The following SLIT3 variants were observed in gnomAD, a reference collection of about 807,000 sequenced individuals.
SLIT3 encodes the protein slit guidance ligand 3.
A neutral mutation model predicts 184.0 loss-of-function variants in SLIT3; 68 were observed. That is an observed-to-expected ratio of 0.37 (90% CI 0.30 to 0.45). SLIT3 has a LOEUF of 0.45. Among genes scored for constraint, SLIT3 ranks in the 20% least tolerant of loss-of-function variants. SLIT3 has a pLI of 1.00. For synonymous variants in SLIT3, 831 were observed against 828.6 expected, an observed-to-expected ratio of 1.00 and a Z score of -0.05; for missense variants, 1,707 against 2,026.0, an observed-to-expected ratio of 0.84 and a Z score of 3.02.
intron 11 of SLIT3, 34 bp from the exon 12 acceptor site, chr5:168,786,012 T>TG: frequency 1.4e-6 from 2 of 1,473,314 alleles, no homozygotes; most frequent in South Asian, 2.3e-5. Context: ...GCAATCACTG[T>TG]GGATGTGAGG....
At chr5:169,115,472 G>GTTA (rs1760626412) in intron 4 of SLIT3, among the ~76,000 whole-genome samples, 1 of 152,082 alleles carries the variant, frequency 6.6e-6, no homozygotes, top group Non-Finnish European at 1.5e-5. Flanking sequence ...GATAACCCTG[G>GTTA]GCAGTAGGTA....
At chr5:168,712,738 G>C (rs556375956) in intron 23 of SLIT3, 1 of 185,314 alleles carries the variant, frequency 5.4e-6, no homozygotes, top group South Asian at 1.2e-4. Context: ...ATGAAGAGCT[G>C]TGCTTAAGAC....
chr5:169,111,079 G>A (rs6864823), intron 4 of SLIT3, among the ~76,000 whole-genome samples: 8,218 of 152,220 alleles, frequency 0.054, 301 homozygotes, highest in Middle Eastern at 0.15. Context: ...GGGCCTTGCT[G>A]TAAACTGCCC....
At chr5:169,065,816 G>T (rs1442626191) in intron 4 of SLIT3, among the ~76,000 whole-genome samples, 4 of 152,224 alleles carry the variant, frequency 2.6e-5, no homozygotes, top group Non-Finnish European at 5.9e-5. Context: ...AACAGAGGGT[G>T]AGGGAGACCT....
At chr5:168,693,619 G>A (rs527483455) in intron 28 of SLIT3, among the ~76,000 whole-genome samples, 71 of 152,286 alleles carry the variant, frequency 4.7e-4, no homozygotes, top group African/African-American at 1.6e-3. Flanking sequence ...TGATCTAAGA[G>A]AGGGAAAGGT....
chr5:168,945,761 G>A (rs1046061799), intron 4 of SLIT3, among the ~76,000 whole-genome samples: 6 of 152,170 alleles, frequency 3.9e-5, no homozygotes, highest in Admixed American at 6.5e-5. Context: ...GCAACAAAAC[G>A]CATGCATATG....
intron 3 of SLIT3, among the ~76,000 whole-genome samples, chr5:169,210,616 A>C (rs924346625): frequency 6.6e-6 from 1 of 152,174 alleles, no homozygotes; most frequent in African/African-American, 2.4e-5. Context: ...GGTATGCAGA[A>C]TGTGTTGGGT....
At chr5:168,962,958 C>G (rs748184170) in intron 4 of SLIT3, among the ~76,000 whole-genome samples, 3 of 152,182 alleles carry the variant, frequency 2.0e-5, no homozygotes, top group African/African-American at 7.2e-5. Flanking sequence ...CAAAGCAAGT[C>G]TCCCCGAAAC....
chr5:168,913,945 T>C (rs1469367032), intron 4 of SLIT3, among the ~76,000 whole-genome samples: 2 of 152,202 alleles, frequency 1.3e-5, no homozygotes, highest in Non-Finnish European at 2.9e-5. Flanking sequence ...TTAAAAAATA[T>C]ACACACTGTT....
intron 1 of SLIT3, among the ~76,000 whole-genome samples, chr5:169,277,959 G>A (rs1043148801): frequency 1.3e-5 from 2 of 152,240 alleles, no homozygotes; most frequent in African/African-American, 4.8e-5. Flanking sequence ...CACAGTAGGT[G>A]TGATGAGCCT....
intron 16 of SLIT3, 24 bp from the exon 17 acceptor site, chr5:168,754,031 GGA>G: frequency 2.6e-6 from 4 of 1,544,916 alleles, no homozygotes; most frequent in Non-Finnish European, 3.5e-6. Context: ...ACAGAATAGG[GGA>G]GAATCAAAAG....
At chr5:168,923,112 C>A (rs1761696619) in intron 4 of SLIT3, among the ~76,000 whole-genome samples, 1 of 152,090 alleles carries the variant, frequency 6.6e-6, no homozygotes, top group South Asian at 2.1e-4. Context: ...CAGCTCGGAA[C>A]CTTTAGGACT....
intron 4 of SLIT3, chr5:168,995,575 C>T (rs928879495): frequency 3.9e-5 from 6 of 152,214 alleles, no homozygotes; most frequent in African/African-American, 1.4e-4. Flanking sequence ...GGGTAATCTA[C>T]TGTCAGAAAA....
At chr5:168,919,275 A>AT (rs990347138) in intron 4 of SLIT3, among the ~76,000 whole-genome samples, 1 of 151,514 alleles carries the variant, frequency 6.6e-6, no homozygotes, top group Non-Finnish European at 1.5e-5. Flanking sequence ...AAAAAAAAAA[A>AT]GAAACATAGG....
chr5:168,885,846 G>T (rs1760182890), intron 4 of SLIT3, among the ~76,000 whole-genome samples: 2 of 152,346 alleles, frequency 1.3e-5, no homozygotes, highest in South Asian at 4.1e-4. Context: ...AGGAGTAGCA[G>T]TCGTACAAAG....
In SLIT3 at chr5:169,300,673, G is replaced by A; in HGVS notation, c.37C>T (p.Arg13Cys). ...PGWAGVGAAVRARLALALALA... is the reference protein window; with the variant it reads ...PGWAGVGAAVCARLALALALA... ...GCCAAGGCCAGCGCCAGGCGGGCGC[G>A]CACGGCGGCGCCGACCCCTGCCCAC... Residue 13 changes from arginine to cysteine, a missense_variant, in exon 1 of 36, where the codon CGC becomes TGC. Arg to Cys is a radical substitution (Grantham distance 180, BLOSUM62 -3). Around this residue, in one of 3 missense-constraint regions of SLIT3, gnomAD observed 1,307 missense variants for 1,511.6 expected, o/e 0.86. Transcript: ENST00000519560. This position sits in a 1 kb window ranked among gnomAD's most constrained non-coding sequence, Gnocchi z 4.1. 6 of 1,398,896 alleles carry A rather than the reference G, an allele frequency of 4.3e-6. No homozygotes were observed. The highest frequency in any genetic ancestry group is 4.6e-6 in the Non-Finnish European group (5 of 1,085,322). The allele number at this position is 1,398,896 out of a possible 1,614,324, so 86.7% of individuals were successfully genotyped here. A position where few individuals can be genotyped will look rare whatever the true frequency, so the allele number is the denominator to read the frequency against.
intron 4 of SLIT3, among the ~76,000 whole-genome samples, chr5:168,959,575 C>A (rs1762940216): frequency 6.6e-6 from 1 of 152,174 alleles, no homozygotes; most frequent in African/African-American, 2.4e-5. Flanking sequence ...CTGTCACAGG[C>A]CCCGCCTCCA....
intron 27 of SLIT3, 117 bp downstream of exon 27, chr5:168,700,465 T>C (rs1762181813): frequency 1.4e-6 from 1 of 737,268 alleles, no homozygotes; most frequent in South Asian, 1.6e-5. Flanking sequence ...CCAGCCATGC[T>C]GAACTGTGAG....
intron 4 of SLIT3, among the ~76,000 whole-genome samples, chr5:169,006,578 T>TTCTCTCTCTCTCTCTCTCTCTC (rs369079733): frequency 2.9e-5 from 4 of 140,206 alleles, no homozygotes; most frequent in African/African-American, 8.1e-5. Flanking sequence ...TTTCCCCCTC[T>TTCTCTCTCTCTCTCTCTCTCTC]TCTCTCTCTC....
Sources: gnomAD v4.1 joint callset for allele counts (sites outside exome capture counted in the v4.1 genomes callset) on GRCh38, gnomAD v4.1.1 for gene constraint, gnomAD v4.1.1 regional missense constraint, Gnocchi (gnomAD v3.1) non-coding constraint, MANE v1.5 for transcripts, NCBI Gene and HGNC (gene_info 2026-07-23, HGNC 2026-07-21) for gene names.